The following SGSM1 variants were observed in gnomAD, a reference collection of about 807,000 sequenced individuals.
SGSM1 encodes the protein RUN and TBC1 domain containing 2.
SGSM1 carries 73 observed loss-of-function variants against 133.8 expected under a neutral mutation model. The observed-to-expected ratio is 0.55, with a 90% CI of 0.45 to 0.66. The LOEUF (loss-of-function observed/expected upper bound fraction) is 0.66. Ranked by LOEUF, SGSM1 falls within the 30% of genes least tolerant of loss-of-function variation. The pLI, the probability that SGSM1 is intolerant of heterozygous loss-of-function variation, is 0.00. For synonymous variants in SGSM1, 563 were observed against 573.0 expected (o/e 0.98, Z 0.25); for missense variants, 1,213 against 1,448.1 (o/e 0.84, Z 2.64).
chr22:24,911,246 TTAAATAAA>T (rs796533475), intron 21 of SGSM1, among the ~76,000 whole-genome samples: 13 of 151,178 alleles, frequency 8.6e-5, no homozygotes, highest in African/African-American at 2.9e-4. Flanking sequence ...CAAAAATTAA[TTAAATAAA>T]TAAATACATA....
intron 21 of SGSM1, among the ~76,000 whole-genome samples, chr22:24,911,871 G>A (rs538033633): frequency 3.3e-5 from 5 of 152,118 alleles, no homozygotes; most frequent in South Asian, 4.2e-4. Context: ...TGGCTAACAC[G>A]GTGAAACCCC....
At chr22:24,850,147 C>T (rs1569146776) in intron 4 of SGSM1, 133 bp from the exon 5 acceptor site, 1 of 910,846 alleles carries the variant, frequency 1.1e-6, no homozygotes, top group Non-Finnish European at 1.6e-6. Context: ...TTGCTAGCGG[C>T]AATATGGGCT....
chr22:24,894,175 G>A (rs1220221503), intron 17 of SGSM1, among the ~76,000 whole-genome samples: 3 of 152,134 alleles, frequency 2.0e-5, no homozygotes, highest in Non-Finnish European at 4.4e-5. Flanking sequence ...AGGCCAAGGC[G>A]GGTGGATCAC....
Position 24,924,718 on chromosome 22 carries a change from C to T in SGSM1, c.*444C>T, listed in dbSNP as rs16979285. 473 of 175,780 alleles carry T rather than the reference C, an allele frequency of 2.7e-3. 3 individuals carry two copies. The highest frequency in any genetic ancestry group is 0.011 in the African/African-American group (449 of 42,182). 10.9% of individuals were successfully genotyped at this position (175,780 alleles called of 1,614,324 possible). A position where few individuals can be genotyped will look rare whatever the true frequency, so the allele number is the denominator to read the frequency against. On this transcript the variant is annotated 3_prime_UTR_variant, in exon 25 of 25. Coordinates refer to ENST00000400358, the MANE Select transcript of SGSM1 (RefSeq NM_001098497.3). ...ATGCTCCTCTGCAAGGGGCCTTTGG[C>T]GATGTTCTGGACATGGCTGAAGATT... is the stretch of plus-strand genomic sequence containing the variant.
intron 23 of SGSM1, 76 bp from the exon 24 acceptor site, chr22:24,919,750 G>A: frequency 2.5e-6 from 4 of 1,569,626 alleles, no homozygotes; most frequent in Non-Finnish European, 3.5e-6. Flanking sequence ...TCCCACCTTG[G>A]GGGGCTTCCC....
intron 2 of SGSM1, among the ~76,000 whole-genome samples, chr22:24,811,272 G>T (rs8139986): frequency 6.6e-6 from 1 of 152,044 alleles, no homozygotes. Flanking sequence ...AATAACTCTT[G>T]TTAAGGCAGG....
At position 24,927,522 on chromosome 22, in the gene SGSM1, C is replaced by A. The variant is rs1275781086; in HGVS notation, c.*3248C>A. 1 of 152,076 alleles carries A rather than the reference C, an allele frequency of 6.6e-6. No homozygotes were observed. Among genetic ancestry groups the A allele is most frequent in the East Asian group, 1.9e-4 (1 of 5,178 alleles). The allele number at this position is 152,076 out of a possible 1,614,324, so 9.4% of individuals were successfully genotyped here. On this transcript the variant is annotated 3_prime_UTR_variant, in exon 25 of 25. Transcript: ENST00000400358. ...GGCACAGTGGCTTACCCCTGTAATCCCAGCACTTTGGGAGGCCAAAGCAGG... is the reference window on the plus strand; with the variant it reads ...GGCACAGTGGCTTACCCCTGTAATCACAGCACTTTGGGAGGCCAAAGCAGG...
intron 2 of SGSM1, among the ~76,000 whole-genome samples, chr22:24,834,546 G>T (rs981964481): frequency 2.6e-5 from 4 of 152,158 alleles, no homozygotes; most frequent in African/African-American, 9.7e-5. Context: ...GAAAAAGTTT[G>T]CCGGGTACAT....
chr22:24,870,424 C>T (rs1454741897), intron 12 of SGSM1, among the ~76,000 whole-genome samples: 1 of 152,224 alleles, frequency 6.6e-6, no homozygotes, highest in Non-Finnish European at 1.5e-5. Context: ...TAGTTGCCTT[C>T]CCAGGAAACT....
chr22:24,888,623 A>G (rs557257710), intron 16 of SGSM1, among the ~76,000 whole-genome samples: 35 of 152,134 alleles, frequency 2.3e-4, no homozygotes, highest in African/African-American at 6.7e-4. Flanking sequence ...CAAAACAAAA[A>G]CAAAAATCAG....
chr22:24,915,877 T>C (rs996393103), intron 22 of SGSM1, among the ~76,000 whole-genome samples: 2 of 152,222 alleles, frequency 1.3e-5, no homozygotes, highest in African/African-American at 4.8e-5. Context: ...TTGGTTCATT[T>C]GGATTGTGAA....
chr22:24,827,802 G>T (rs1426829975), intron 2 of SGSM1, among the ~76,000 whole-genome samples: 2 of 152,042 alleles, frequency 1.3e-5, no homozygotes, highest in Admixed American at 6.6e-5. Flanking sequence ...CACATACAGT[G>T]AATAGCTGAG....
intron 21 of SGSM1, among the ~76,000 whole-genome samples, chr22:24,911,780 C>G (rs1203653850): frequency 2.0e-5 from 3 of 152,138 alleles, no homozygotes; most frequent in African/African-American, 7.2e-5. Context: ...GGTCTCTAGG[C>G]GCGGTGGCTC....
rs768411681 is a variant in SGSM1, at chr22:24,854,991, G to C, written c.456-5G>C. 6.2e-7 allele frequency: 1 copy of C among 1,612,494 alleles called. No individual in the cohort carries two copies. Among genetic ancestry groups the C allele is most frequent in the Non-Finnish European group, 8.5e-7 (1 of 1,179,142 alleles). On this transcript the variant is annotated splice_polypyrimidine_tract_variant and splice_region_variant and intron_variant, in intron 5 of 24. Coordinates refer to ENST00000400358, the MANE Select transcript of SGSM1 (RefSeq NM_001098497.3). The stretch of plus-strand genomic sequence containing the variant: ...CCAAACCTGCATATTCTCTCCTCTT[G>C]CTAGTAAATACTATGAGAAGGAAGC...
At chr22:24,897,043 T>C (rs1932932079) in intron 18 of SGSM1, among the ~76,000 whole-genome samples, 1 of 151,902 alleles carries the variant, frequency 6.6e-6, no homozygotes, top group Admixed American at 6.6e-5. Context: ...TGATGAAAAG[T>C]TATTGTCTCC....
intron 12 of SGSM1, among the ~76,000 whole-genome samples, chr22:24,869,216 A>G (rs1931638170): frequency 6.6e-6 from 1 of 152,064 alleles, no homozygotes; most frequent in Non-Finnish European, 1.5e-5. Context: ...GGATTAAACG[A>G]GGTAAGGCGG....
At chr22:24,899,281 CA>C (rs1259320805) in intron 19 of SGSM1, among the ~76,000 whole-genome samples, 1 of 152,050 alleles carries the variant, frequency 6.6e-6, no homozygotes, top group African/African-American at 2.4e-5. Flanking sequence ...AATCTCTTTT[CA>C]AACATTTAGA....
chr22:24,836,980 G>T (rs549083207), intron 2 of SGSM1, among the ~76,000 whole-genome samples: 22 of 152,350 alleles, frequency 1.4e-4, no homozygotes, highest in African/African-American at 4.1e-4. Context: ...TCATATCCAA[G>T]AAATCATTGT....
chr22:24,904,125 G>A (rs1933273956), intron 20 of SGSM1, among the ~76,000 whole-genome samples: 1 of 152,068 alleles, frequency 6.6e-6, no homozygotes, highest in African/African-American at 2.4e-5. Flanking sequence ...TTTGGGACAT[G>A]TCATTTACCT....
Sources: allele counts gnomAD v4.1 joint callset (sites outside exome capture counted in the v4.1 genomes callset), GRCh38; gene constraint gnomAD v4.1.1; transcripts MANE v1.5; gene names NCBI Gene and HGNC (gene_info 2026-07-23, HGNC 2026-07-21).